The following RPA1 variants were observed in gnomAD, a reference collection of about 807,000 sequenced individuals.
RPA1 encodes replication protein A1, also known as replication protein A 70 kDa DNA-binding subunit.
A neutral mutation model predicts 83.0 loss-of-function variants in RPA1; 49 were observed. The ratio of observed to expected loss-of-function variants is 0.59; its 90% CI spans 0.47 to 0.75. The LOEUF (loss-of-function observed/expected upper bound fraction) is 0.75. Ranked by LOEUF, RPA1 falls within the 30% of genes least tolerant of loss-of-function variation. The probability of loss-of-function intolerance (pLI) is 0.00; values close to 1 mark genes in which losing one functional copy is unlikely to be tolerated. For synonymous variants in RPA1, 279 were observed against 281.8 expected (o/e 0.99, Z 0.10); for missense variants, 693 against 776.1 (o/e 0.89, Z 1.27).
intron 14 of RPA1, among the ~76,000 whole-genome samples, chr17:1,890,882 C>A (rs546439561): frequency 6.6e-6 from 1 of 152,078 alleles, no homozygotes; most frequent in East Asian, 1.9e-4. Context: ...CACACGTGTG[C>A]GTCATTGTAG....
intron 16 of RPA1, among the ~76,000 whole-genome samples, chr17:1,896,009 T>G (rs998057207): frequency 6.6e-6 from 1 of 152,126 alleles, no homozygotes; most frequent in Non-Finnish European, 1.5e-5. Context: ...TCAAACAGTA[T>G]TGAGCATGGT....
At position 1,878,975 on chromosome 17, in the gene RPA1, GCCCA is replaced by G; in HGVS notation, c.691-16_691-13del. 1 of 1,614,126 alleles carries G rather than the reference GCCCA, an allele frequency of 6.2e-7. No homozygotes were observed. The highest frequency in any genetic ancestry group is 8.5e-7 in the Non-Finnish European group (1 of 1,179,954). Reference sequence around the variant, plus strand: ...GTGTTCAATCCCGCAGCCCTAACCTGCCCACGTGCTTCTGCAGGGTGAAATCCGA... The same window carrying G: ...GTGTTCAATCCCGCAGCCCTAACCTGCGTGCTTCTGCAGGGTGAAATCCGA... On this transcript the variant is annotated splice_polypyrimidine_tract_variant and intron_variant, in intron 8 of 16. Coordinates refer to ENST00000254719, the MANE Select transcript of RPA1 (RefSeq NM_002945.5).
At chr17:1,833,125 C>T (rs1450392347) in intron 1 of RPA1, among the ~76,000 whole-genome samples, 1 of 151,764 alleles carries the variant, frequency 6.6e-6, no homozygotes, top group African/African-American at 2.4e-5. Context: ...CAGGGTTTCG[C>T]CATGTAGGCC....
intron 13 of RPA1, among the ~76,000 whole-genome samples, chr17:1,886,407 G>A (rs370183402): frequency 2.1e-4 from 32 of 152,300 alleles, no homozygotes; most frequent in Middle Eastern, 3.4e-3. Flanking sequence ...AGCTGCATTC[G>A]CGCCTAACAG....
At chr17:1,876,840 T>C (rs1001228281) in intron 7 of RPA1, among the ~76,000 whole-genome samples, 5 of 152,212 alleles carry the variant, frequency 3.3e-5, no homozygotes, top group Non-Finnish European at 7.3e-5. Flanking sequence ...TAACACCAGT[T>C]ATATCAGTTC....
chr17:1,842,727 T>C, intron 1 of RPA1, 76 bp from the exon 2 acceptor site: 6 of 1,314,198 alleles, frequency 4.6e-6, no homozygotes, highest in Non-Finnish European at 6.6e-6. Flanking sequence ...ATATTCCAAA[T>C]ACCAACTATA....
At chr17:1,896,834 T>G (rs1914450494) in intron 16 of RPA1, among the ~76,000 whole-genome samples, 1 of 152,182 alleles carries the variant, frequency 6.6e-6, no homozygotes, top group Admixed American at 6.5e-5. Context: ...ATTCTAGGCT[T>G]CTGGGTGTTT....
intron 13 of RPA1, among the ~76,000 whole-genome samples, chr17:1,887,871 C>T (rs576317626): frequency 7.9e-5 from 12 of 151,012 alleles, no homozygotes; most frequent in African/African-American, 2.9e-4. Context: ...CCAGCCTGGG[C>T]GACAGAGCGA....
Position 1,894,943 on chromosome 17 carries a change from G to C in RPA1, c.1660-66G>C, listed in dbSNP as rs542843779. On this transcript the variant is annotated intron_variant, in intron 15 of 16. Coordinates refer to ENST00000254719, the MANE Select transcript of RPA1 (RefSeq NM_002945.5). ...TGCATTTTCAGAAGTCTTTTTAAAA[G>C]TCTTATCAGTATTTGCAAGTTGTCC... The C allele has an allele frequency of 7.9e-5, 103 of 1,306,438 alleles. 1 individual carries two copies. The South Asian group carries it at 1.2e-3, about 15-fold the overall frequency. 80.9% of individuals were successfully genotyped at this position (1,306,438 alleles called of 1,614,324 possible).
intron 1 of RPA1, among the ~76,000 whole-genome samples, chr17:1,832,354 A>T (rs574250243): frequency 7.9e-5 from 12 of 151,528 alleles, no homozygotes; most frequent in Admixed American, 2.6e-4. Flanking sequence ...TCCCTTTGAG[A>T]CCCCAATTCC....
Position 1,834,261 on chromosome 17 carries a change from T to C in RPA1, c.33+4135T>C, listed in dbSNP as rs182208501. On this transcript the variant is annotated intron_variant, in intron 1 of 16. Transcript: ENST00000254719. ...TTTTAGAGATGGGGTCTCACTCTGT[T>C]GCCCATGCTAGTCTCAAACTCCTGG... 5.6e-3 allele frequency among the ~76,000 whole-genome samples: 858 copies of C among 152,344 alleles called. 14 individuals are homozygous for C. The highest frequency in any genetic ancestry group is 0.02 in the African/African-American group (817 of 41,580).
At chr17:1,854,914 C>G (rs1912632923) in intron 5 of RPA1, among the ~76,000 whole-genome samples, 1 of 152,174 alleles carries the variant, frequency 6.6e-6, no homozygotes, top group Non-Finnish European at 1.5e-5. Flanking sequence ...CATCTCCAGC[C>G]TGGCTCGTTA....
intron 11 of RPA1, 44 bp from the exon 12 acceptor site, chr17:1,880,499 T>C (rs765305694): frequency 7.5e-6 from 12 of 1,596,148 alleles, no homozygotes; most frequent in Admixed American, 1.7e-5. Flanking sequence ...TTCTGTGTTC[T>C]TCCTGCTAGT....
At chr17:1,894,458 T>C (rs1476843945) in intron 15 of RPA1, among the ~76,000 whole-genome samples, 1 of 152,200 alleles carries the variant, frequency 6.6e-6, no homozygotes, top group African/African-American at 2.4e-5. Context: ...TGAGCCACCG[T>C]GCCCAGCCTT....
chr17:1,840,785 C>G (rs763960841), intron 1 of RPA1, among the ~76,000 whole-genome samples: 1 of 152,136 alleles, frequency 6.6e-6, no homozygotes, highest in Non-Finnish European at 1.5e-5. Flanking sequence ...ACTTTTGAAG[C>G]CTGGCACGGT....
rs778257902 is a variant in RPA1, at chr17:1,891,796, T to G, written c.1552-37T>G. The G allele has an allele frequency of 3.0e-6, 4 of 1,334,400 alleles. 1 individual carries two copies. In the South Asian group the frequency reaches 5.0e-5, roughly 17 times the overall value. 82.7% of individuals were successfully genotyped at this position (1,334,400 alleles called of 1,614,324 possible). Reference sequence around the variant, plus strand: ...ATCTTCTCAGTGTGTCTTTTTATTATTTCTTTGCTGAAATAATGTAGAATT... The same window carrying G: ...ATCTTCTCAGTGTGTCTTTTTATTAGTTCTTTGCTGAAATAATGTAGAATT... On this transcript the variant is annotated intron_variant, in intron 14 of 16. Transcript: ENST00000254719.
intron 1 of RPA1, among the ~76,000 whole-genome samples, chr17:1,831,962 CTA>C (rs1911633402): frequency 2.7e-5 from 3 of 110,360 alleles, no homozygotes; most frequent in South Asian, 3.3e-4. Flanking sequence ...TACCCCCCCA[CTA>C]CCGCCCCAGG....
At chr17:1,845,143 AT>A (rs1236644062) in intron 4 of RPA1, among the ~76,000 whole-genome samples, 1 of 142,640 alleles carries the variant, frequency 7.0e-6, no homozygotes, top group East Asian at 2.0e-4. Flanking sequence ...GAAAATGATA[AT>A]TATTTTGTAA....
chr17:1,838,032 C>A (rs1911887943), intron 1 of RPA1, among the ~76,000 whole-genome samples: 2 of 152,168 alleles, frequency 1.3e-5, no homozygotes, highest in Admixed American at 1.3e-4. Context: ...TGGCTCATGC[C>A]TGTAATCCCA....
Sources: allele counts gnomAD v4.1 joint callset (sites outside exome capture counted in the v4.1 genomes callset), GRCh38; gene constraint gnomAD v4.1.1; transcripts MANE v1.5; gene names NCBI Gene and HGNC (gene_info 2026-07-23, HGNC 2026-07-21).